The following ZCCHC7 variants were observed in gnomAD, a reference collection of about 807,000 sequenced individuals.
ZCCHC7 encodes zinc finger CCHC-type containing 7.
A neutral mutation model predicts 52.0 loss-of-function variants in ZCCHC7; 35 were observed. That is an observed-to-expected ratio of 0.67 (90% CI 0.51 to 0.89). ZCCHC7 has a LOEUF of 0.89. Among genes scored for constraint, ZCCHC7 ranks in the 40% least tolerant of loss-of-function variants. ZCCHC7 has a pLI of 0.00. For missense variants in ZCCHC7, 574 were observed against 649.1 expected (o/e 0.88, Z 1.26); for synonymous variants, 217 against 221.5 (o/e 0.98, Z 0.18).
chr9:37,258,426 TG>T (rs1178207673), intron 2 of ZCCHC7, among the ~76,000 whole-genome samples: 3 of 152,196 alleles, frequency 2.0e-5, no homozygotes, highest in South Asian at 4.1e-4. Context: ...ATTTAGTGAC[TG>T]GATGAATACA....
At chr9:37,339,842 G>T (rs555821954) in intron 6 of ZCCHC7, among the ~76,000 whole-genome samples, 17 of 152,248 alleles carry the variant, frequency 1.1e-4, no homozygotes, top group African/African-American at 4.1e-4. Context: ...ATTACATATC[G>T]TATATAGTAA....
chr9:37,232,263 C>G (rs1409236803), intron 2 of ZCCHC7, among the ~76,000 whole-genome samples: 1 of 152,158 alleles, frequency 6.6e-6, no homozygotes, highest in Non-Finnish European at 1.5e-5. Flanking sequence ...GGTGTCTTGT[C>G]AAAATTTAGG....
intron 5 of ZCCHC7, among the ~76,000 whole-genome samples, chr9:37,314,895 G>A (rs920002089): frequency 6.6e-6 from 1 of 151,938 alleles, no homozygotes; most frequent in Non-Finnish European, 1.5e-5. Context: ...CTTACTTATA[G>A]GGATCTGTTT....
chr9:37,354,898 T>C lies in ZCCHC7; in HGVS notation c.1198+74T>C. The C allele has an allele frequency of 1.1e-6, 1 of 931,634 alleles. No homozygotes were observed. The highest frequency in any genetic ancestry group is 1.7e-6 in the Non-Finnish European group (1 of 605,834). 57.7% of individuals were successfully genotyped at this position (931,634 alleles called of 1,614,324 possible). A position where few individuals can be genotyped will look rare whatever the true frequency, so the allele number is the denominator to read the frequency against. On this transcript the variant is annotated intron_variant, in intron 8 of 8. Coordinates refer to ENST00000336755, the MANE Select transcript of ZCCHC7 (RefSeq NM_032226.3). The surrounding 1 kb of genome is among the most constrained non-coding windows in gnomAD (Gnocchi z 4.0). Reference sequence around the variant, plus strand: ...TTTCTTTGTTTGTACTGTCTTTGCCTGCTTTGGGGGTCATTGGTTAGCATA... The same window carrying C: ...TTTCTTTGTTTGTACTGTCTTTGCCCGCTTTGGGGGTCATTGGTTAGCATA...
At chr9:37,342,574 A>T (rs147359585) in intron 6 of ZCCHC7, among the ~76,000 whole-genome samples, 2 of 152,362 alleles carry the variant, frequency 1.3e-5, no homozygotes, top group East Asian at 3.8e-4. Flanking sequence ...GATAGAAGCC[A>T]ACAAAGGAGA....
At chr9:37,351,533 C>A (rs1821378250) in intron 7 of ZCCHC7, among the ~76,000 whole-genome samples, 1 of 152,186 alleles carries the variant, frequency 6.6e-6, no homozygotes, top group Non-Finnish European at 1.5e-5. Context: ...TCTCAAACTC[C>A]TGGCCTCAAG....
chr9:37,192,580 T>C (rs1301572837), intron 2 of ZCCHC7, among the ~76,000 whole-genome samples: 1 of 152,228 alleles, frequency 6.6e-6, no homozygotes, highest in Non-Finnish European at 1.5e-5. Flanking sequence ...GAAATATCTT[T>C]CCATGTAATT....
chr9:37,161,297 G>A (rs925731545), intron 2 of ZCCHC7, among the ~76,000 whole-genome samples: 17 of 152,192 alleles, frequency 1.1e-4, no homozygotes, highest in African/African-American at 3.9e-4. Context: ...AGTGGCAGCT[G>A]GGCGCGGTGG....
At chr9:37,249,936 G>A (rs558709104) in intron 2 of ZCCHC7, among the ~76,000 whole-genome samples, 128 of 152,266 alleles carry the variant, frequency 8.4e-4, no homozygotes, top group South Asian at 1.5e-3. Context: ...TGGCTCCACC[G>A]CTCTTCCTGC....
chr9:37,193,619 T>A (rs545044803), intron 2 of ZCCHC7, among the ~76,000 whole-genome samples: 30 of 147,874 alleles, frequency 2.0e-4, no homozygotes, highest in Non-Finnish European at 2.6e-4. Context: ...AGTAGCCTTT[T>A]AAAAAAAAAA....
intron 5 of ZCCHC7, among the ~76,000 whole-genome samples, chr9:37,320,987 CTTTTTTTTT>C (rs11303114): frequency 2.6e-5 from 3 of 116,204 alleles, no homozygotes; most frequent in South Asian, 5.6e-4. Flanking sequence ...TTTCTTTTTT[CTTTTTTTTT>C]TTTTTTTTTT....
intron 2 of ZCCHC7, among the ~76,000 whole-genome samples, chr9:37,272,011 T>C (rs772201748): frequency 6.6e-6 from 1 of 152,240 alleles, no homozygotes; most frequent in Non-Finnish European, 1.5e-5. Flanking sequence ...TTGTTAAAGC[T>C]GGAACTTTGG....
chr9:37,213,429 AT>A (rs1824342434), intron 2 of ZCCHC7, among the ~76,000 whole-genome samples: 1 of 152,206 alleles, frequency 6.6e-6, no homozygotes, highest in Non-Finnish European at 1.5e-5. Flanking sequence ...ATTAGTTAAA[AT>A]TTCAAAAGCA....
chr9:37,226,561 AAAG>A (rs1825115790), intron 2 of ZCCHC7, among the ~76,000 whole-genome samples: 1 of 152,240 alleles, frequency 6.6e-6, no homozygotes, highest in African/African-American at 2.4e-5. Flanking sequence ...AGATTTACAT[AAAG>A]ATACCAAACA....
intron 2 of ZCCHC7, among the ~76,000 whole-genome samples, chr9:37,237,767 C>G (rs1825720016): frequency 6.6e-6 from 1 of 152,158 alleles, no homozygotes. Flanking sequence ...ATCAGTTTCT[C>G]CTCAGGAAAA....
intron 2 of ZCCHC7, among the ~76,000 whole-genome samples, chr9:37,180,776 T>C (rs1248545144): frequency 6.6e-6 from 1 of 152,164 alleles, no homozygotes; most frequent in African/African-American, 2.4e-5. Context: ...AGATTTTCTT[T>C]ATCAAAATGC....
chr9:37,131,676 G>A (rs1016206721), intron 2 of ZCCHC7, among the ~76,000 whole-genome samples: 7 of 151,970 alleles, frequency 4.6e-5, no homozygotes, highest in African/African-American at 9.7e-5. Flanking sequence ...GAAAATGGGC[G>A]TACACATTTG....
chr9:37,337,668 A>G (rs1830742759), intron 6 of ZCCHC7, among the ~76,000 whole-genome samples: 1 of 152,176 alleles, frequency 6.6e-6, no homozygotes, highest in South Asian at 2.1e-4. Context: ...GCACCAGGAA[A>G]TATAAAAAGG....
intron 6 of ZCCHC7, among the ~76,000 whole-genome samples, chr9:37,347,195 TTCC>T (rs200358446): frequency 0.051 from 7,709 of 152,102 alleles, 633 homozygotes; most frequent in African/African-American, 0.17. Flanking sequence ...ATCATCTCCT[TTCC>T]TCCTCTGGTT....
Sources: gnomAD v4.1 joint callset for allele counts (sites outside exome capture counted in the v4.1 genomes callset) on GRCh38, gnomAD v4.1.1 for gene constraint, Gnocchi (gnomAD v3.1) non-coding constraint, MANE v1.5 for transcripts, NCBI Gene and HGNC (gene_info 2026-07-23, HGNC 2026-07-21) for gene names.